Variants in RUVBL1 observed in about 807,000 individuals in gnomAD.
RUVBL1 encodes RuvB like AAA ATPase 1, also known as ruvB-like 1.
RUVBL1 carries 4 observed loss-of-function variants against 52.4 expected under a neutral mutation model. The ratio of observed to expected loss-of-function variants is 0.08; its 90% CI spans 0.04 to 0.17. The LOEUF is 0.17. Among genes scored for constraint, RUVBL1 ranks in the 10% least tolerant of loss-of-function variants. The probability of loss-of-function intolerance (pLI) is 1.00; values close to 1 mark genes in which losing one functional copy is unlikely to be tolerated. For synonymous variants in RUVBL1, 217 were observed against 214.4 expected (o/e 1.01, Z -0.10); for missense variants, 298 against 572.8 (o/e 0.52, Z 4.90).
chr3:128,118,810 C>T (rs1943581130), intron 2 of RUVBL1, among the ~76,000 whole-genome samples: 1 of 152,242 alleles, frequency 6.6e-6, no homozygotes, highest in African/African-American at 2.4e-5. Context: ...AGCACTCATA[C>T]TGAGTCCTCC....
intron 1 of RUVBL1, among the ~76,000 whole-genome samples, chr3:128,129,449 T>C (rs1943843426): frequency 6.6e-6 from 1 of 151,890 alleles, no homozygotes; most frequent in South Asian, 2.1e-4. Context: ...ACAGCTATAA[T>C]AAAAAAGAAG....
chr3:128,146,817 G>A lies in RUVBL1; in HGVS notation c.-40+6386C>T, dbSNP rs553210861. Among the ~76,000 whole-genome samples, 68 of 152,190 alleles carry A rather than the reference G, an allele frequency of 4.5e-4. 1 individual carries two copies. The South Asian group carries it at 9.9e-3, about 22-fold the overall frequency. ...TCCATGTGTCTGTGTGTGTGTGCAT[G>A]CATCTGTGTGTGTGCGCACTTGTGT... On this transcript the variant is annotated intron_variant, in intron 1 of 9. Coordinates refer to the RUVBL1 transcript ENST00000464873.
intron 9 of RUVBL1, among the ~76,000 whole-genome samples, chr3:128,071,966 C>T (rs1475625184): frequency 1.3e-5 from 2 of 152,266 alleles, no homozygotes; most frequent in Non-Finnish European, 2.9e-5. Context: ...TGAGCCAGGG[C>T]GCCTGCCACC....
intron 3 of RUVBL1, among the ~76,000 whole-genome samples, chr3:128,111,754 A>G (rs1001159882): frequency 6.6e-6 from 1 of 152,304 alleles, no homozygotes; most frequent in South Asian, 2.1e-4. Context: ...TTACTCCGAA[A>G]CTGAACTTTT....
intron 1 of RUVBL1, among the ~76,000 whole-genome samples, chr3:128,136,422 T>C (rs1012513896): frequency 1.3e-5 from 2 of 152,014 alleles, no homozygotes; most frequent in Non-Finnish European, 2.9e-5. Flanking sequence ...GCCCAGGAGT[T>C]TGAGACTAGC....
At chr3:128,069,733 G>C (rs1559800336) in intron 9 of RUVBL1, 1 of 1,287,086 alleles carries the variant, frequency 7.8e-7, no homozygotes, top group Non-Finnish European at 1.1e-6. Flanking sequence ...ATCATGGCGC[G>C]TGCTGCTGCG....
chr3:128,066,960 C>T, intron 9 of RUVBL1: 2 of 1,614,154 alleles, frequency 1.2e-6, no homozygotes, highest in East Asian at 2.2e-5. Flanking sequence ...TCAGGGCTTC[C>T]GAGTGGACCT....
chr3:128,104,283 G>T (rs1049473816), intron 4 of RUVBL1, among the ~76,000 whole-genome samples: 9 of 152,292 alleles, frequency 5.9e-5, no homozygotes, highest in African/African-American at 1.9e-4. Flanking sequence ...CCACTGAAGC[G>T]ACCACAGGTT....
chr3:128,106,024 C>G (rs974065359), intron 3 of RUVBL1, among the ~76,000 whole-genome samples: 1 of 152,062 alleles, frequency 6.6e-6, no homozygotes, highest in African/African-American at 2.4e-5. Context: ...CGTGCACCAC[C>G]ACATCTGGCT....
At chr3:128,107,786 T>C (rs796863398) in intron 3 of RUVBL1, among the ~76,000 whole-genome samples, 7 of 152,352 alleles carry the variant, frequency 4.6e-5, no homozygotes, top group African/African-American at 1.7e-4. Flanking sequence ...TGTGGTAAAC[T>C]GGGAAAATCC....
At chr3:128,113,479 C>A (rs1475875319) in intron 2 of RUVBL1, among the ~76,000 whole-genome samples, 3 of 152,078 alleles carry the variant, frequency 2.0e-5, no homozygotes, top group Non-Finnish European at 1.5e-5. Flanking sequence ...ACAGGGATAC[C>A]AAAATCCATG....
At chr3:128,148,647 G>C (rs1306039032) in intron 1 of RUVBL1, among the ~76,000 whole-genome samples, 5 of 152,204 alleles carry the variant, frequency 3.3e-5, no homozygotes, top group Non-Finnish European at 7.3e-5. Context: ...CATATAGAGA[G>C]AAAGTTGGAG....
intron 8 of RUVBL1, 86 bp downstream of exon 8, chr3:128,097,214 C>A (rs1943001930): frequency 2.3e-6 from 3 of 1,329,714 alleles, no homozygotes; most frequent in African/African-American, 2.9e-5. Flanking sequence ...CCTGTCCCAC[C>A]TCATGGGGTT....
chr3:128,110,148 T>A (rs1217374504), intron 3 of RUVBL1, among the ~76,000 whole-genome samples: 1 of 152,072 alleles, frequency 6.6e-6, no homozygotes, highest in Non-Finnish European at 1.5e-5. Flanking sequence ...TAGCTGGGTG[T>A]GGTGATGCAC....
chr3:128,064,896 TATC>T, exon 10 of RUVBL1: 1 of 1,609,180 alleles, frequency 6.2e-7, no homozygotes, highest in Non-Finnish European at 8.5e-7. Flanking sequence ...TTGAAGGTGC[TATC>T]ATCGCACTTT....
In RUVBL1 at chr3:128,065,066, TC is replaced by T. The variant is rs763784314; in HGVS notation, c.*145del. On this transcript the variant is annotated 3_prime_UTR_variant, in exon 10 of 10. Transcript: ENST00000464873. ...TGTCCAGATCCAACCCCAGGGAGTTTCCATGGTCTGGATTTAAGTTTCAGAA... is the reference window on the plus strand; with the variant it reads ...TGTCCAGATCCAACCCCAGGGAGTTTCATGGTCTGGATTTAAGTTTCAGAA... The T allele has an allele frequency of 3.7e-5, 60 of 1,612,374 alleles. 1 individual carries two copies. The highest frequency in any genetic ancestry group is 4.8e-5 in the Non-Finnish European group (57 of 1,178,462).
At chr3:128,076,852 C>T (rs1416550266), downstream of RUVBL1, among the ~76,000 whole-genome samples, 1 of 152,098 alleles carries the variant, frequency 6.6e-6, no homozygotes, top group Non-Finnish European at 1.5e-5. This position sits in a 1 kb window ranked among gnomAD's most constrained non-coding sequence, Gnocchi z 6.8. Context: ...GCACCCCGCA[C>T]CCCACCATGT....
chr3:128,125,071 G>A (rs182137017), upstream of RUVBL1, among the ~76,000 whole-genome samples: 431 of 131,028 alleles, frequency 3.3e-3, 11 homozygotes, highest in East Asian at 0.071. Context: ...CGGGAGTGCA[G>A]TGGCGCAATC....
chr3:128,095,381 C>T (rs149769849), intron 8 of RUVBL1, among the ~76,000 whole-genome samples: 19 of 152,388 alleles, frequency 1.2e-4, no homozygotes, highest in African/African-American at 4.6e-4. Flanking sequence ...TTCAGCCTGG[C>T]CTAGCCAAGG....
Sources: gnomAD v4.1 joint callset for allele counts (sites outside exome capture counted in the v4.1 genomes callset) on GRCh38, gnomAD v4.1.1 for gene constraint, Gnocchi (gnomAD v3.1) non-coding constraint, MANE v1.5 for transcripts, NCBI Gene and HGNC (gene_info 2026-07-23, HGNC 2026-07-21) for gene names.